The following HECTD4 variants were observed in gnomAD, a reference collection of about 807,000 sequenced individuals.
HECTD4 encodes HECT domain E3 ubiquitin protein ligase 4, also known as probable E3 ubiquitin-protein ligase HECTD4.
Under a neutral mutation model 471.5 loss-of-function variants are expected in HECTD4, and 114 were observed. The observed-to-expected ratio is 0.24, with a 90% CI of 0.21 to 0.28. HECTD4 has a LOEUF of 0.28. Among genes scored for constraint, HECTD4 ranks in the 10% least tolerant of loss-of-function variants. The probability of loss-of-function intolerance (pLI) is 1.00; values close to 1 mark genes in which losing one functional copy is unlikely to be tolerated. For missense variants in HECTD4, 3,866 were observed against 5,651.5 expected, an observed-to-expected ratio of 0.68 and a Z score of 10.13; for synonymous variants, 2,012 against 2,256.0, an observed-to-expected ratio of 0.89 and a Z score of 3.07.
chr12:112,358,020 T>G (rs1172665300), intron 1 of HECTD4, among the ~76,000 whole-genome samples: 1 of 152,144 alleles, frequency 6.6e-6, no homozygotes, highest in African/African-American at 2.4e-5. Flanking sequence ...CTGGCCAACA[T>G]GGTGAAACCC....
At chr12:112,312,954 G>A (rs1173490589) in intron 4 of HECTD4, 63 bp downstream of exon 4, 1 of 1,371,386 alleles carries the variant, frequency 7.3e-7, no homozygotes, top group Non-Finnish European at 1.0e-6. Context: ...ATTTGCTACA[G>A]TGATCTAAAA....
At chr12:112,291,162 A>G (rs1017196345) in intron 7 of HECTD4, among the ~76,000 whole-genome samples, 10 of 152,136 alleles carry the variant, frequency 6.6e-5, no homozygotes, top group African/African-American at 2.4e-4. Context: ...CATGTAAAAA[A>G]TGTTTCTTTA....
At chr12:112,263,999 A>C in intron 17 of HECTD4, 85 bp downstream of exon 17, 1 of 1,290,626 alleles carries the variant, frequency 7.7e-7, no homozygotes, top group Non-Finnish European at 1.0e-6. Flanking sequence ...GTGAATTCTG[A>C]CATCATAAAA....
chr12:112,265,389 A>T, intron 15 of HECTD4, 94 bp from the exon 16 acceptor site: 1 of 803,052 alleles, frequency 1.2e-6, no homozygotes, highest in Non-Finnish European at 1.9e-6. Context: ...GACAAATAAA[A>T]GATACATAAT....
At chr12:112,307,473 T>G (rs1043388063) in intron 6 of HECTD4, among the ~76,000 whole-genome samples, 5 of 152,226 alleles carry the variant, frequency 3.3e-5, no homozygotes, top group African/African-American at 1.2e-4. Flanking sequence ...CTACTTCAAA[T>G]GTAAATCATG....
intron 1 of HECTD4, among the ~76,000 whole-genome samples, chr12:112,351,041 G>A (rs1390261690): frequency 6.6e-6 from 1 of 152,134 alleles, no homozygotes; most frequent in Non-Finnish European, 1.5e-5. Context: ...TGGTCAGCTT[G>A]GTCACTGGCC....
At chr12:112,249,944 T>G in intron 25 of HECTD4, 200 bp downstream of exon 25, 1 of 580,170 alleles carries the variant, frequency 1.7e-6, no homozygotes, top group East Asian at 2.9e-5. Flanking sequence ...CCAATGCTGC[T>G]GACTGGTGGG....
intron 70 of HECTD4, 113 bp downstream of exon 70, chr12:112,169,390 A>G: frequency 8.4e-7 from 1 of 1,185,574 alleles, no homozygotes; most frequent in Non-Finnish European, 1.2e-6. Flanking sequence ...CTGCAGCACA[A>G]GTGCTGAGGA....
intron 7 of HECTD4, among the ~76,000 whole-genome samples, chr12:112,291,662 G>C (rs1023407859): frequency 6.6e-6 from 1 of 152,098 alleles, no homozygotes; most frequent in African/African-American, 2.4e-5. Flanking sequence ...CATGAGGTCA[G>C]GAGATTGAGA....
rs1052664385 is a variant in HECTD4 at position 112,326,054 on chromosome 12, G to C, written c.178-6312C>G. The stretch of plus-strand genomic sequence containing the variant: ...TCCTCCTGCCTCGGCCTCCCAAAGT[G>C]ATGGGATTGCAGGCATGAGCCACCG... On this transcript the variant is annotated intron_variant, in intron 1 of 75. Coordinates refer to ENST00000682272, the MANE Select transcript of HECTD4 (RefSeq NM_001388303.1). Among the ~76,000 whole-genome samples, 4 of 152,246 alleles carry C rather than the reference G, an allele frequency of 2.6e-5. No individual in the cohort carries two copies. In the South Asian group the frequency reaches 8.3e-4, roughly 32 times the overall value.
rs780513150 is a variant in HECTD4, at chr12:112,163,174, G to A, written c.12988C>T (p.Leu4330=). The change falls in exon 75 of 76, where the codon CTG becomes TTG. Residue 4330 remains leucine (L), a synonymous_variant. Transcript: ENST00000682272. This position sits in a 1 kb window ranked among gnomAD's most constrained non-coding sequence, Gnocchi z 8.2. ...GALEMFTQEE[L]CKFIKFACNQ... The stretch of plus-strand genomic sequence containing the variant: ...CAGGCAAACTTGATGAACTTGCACA[G>A]CTCCTCCTGGGTGAACATCTCCAGG... The A allele has an allele frequency of 1.2e-6, 2 of 1,613,874 alleles. No homozygotes were observed. The highest frequency in any genetic ancestry group is 1.7e-6 in the Non-Finnish European group (2 of 1,179,874).
intron 1 of HECTD4, among the ~76,000 whole-genome samples, chr12:112,373,422 T>C (rs2036720791): frequency 6.6e-6 from 1 of 151,988 alleles, no homozygotes; most frequent in Non-Finnish European, 1.5e-5. Context: ...CTCGGGAGGC[T>C]GAGGCAGAAG....
chr12:112,187,178 C>T (rs555543250), intron 60 of HECTD4, among the ~76,000 whole-genome samples: 5 of 151,948 alleles, frequency 3.3e-5, no homozygotes, highest in South Asian at 2.1e-4. Context: ...AGGGTTCCTC[C>T]GTGTTGGTCA....
intron 34 of HECTD4, 112 bp from the exon 35 acceptor site, chr12:112,237,210 C>T (rs777958027): frequency 1.6e-5 from 14 of 850,950 alleles, no homozygotes; most frequent in Non-Finnish European, 2.0e-5. Context: ...TTTCATGAAC[C>T]ATCTAATAGT....
intron 1 of HECTD4, among the ~76,000 whole-genome samples, chr12:112,361,411 A>G (rs1371574214): frequency 6.6e-6 from 1 of 151,690 alleles, no homozygotes; most frequent in African/African-American, 2.4e-5. Context: ...CTGGGACTAC[A>G]GGTGCATGAC....
rs985047236 is a variant in HECTD4, at chr12:112,160,458, G to C, written c.*1929C>G. The C allele has an allele frequency of 5.9e-5, 9 of 152,104 alleles. No individual in the cohort carries two copies. Among genetic ancestry groups the C allele is most frequent in the African/African-American group, 2.2e-4 (9 of 41,422 alleles). The allele number at this position is 152,104 out of a possible 1,614,324, so 9.4% of individuals were successfully genotyped here. ...AATAATTATAATAAATATACATCAA[G>C]TAACTTTACAGCACACATTTTTTAG... On this transcript the variant is annotated 3_prime_UTR_variant, in exon 76 of 76. Transcript: ENST00000682272.
rs2032147718 is a variant in HECTD4 at position 112,193,485 on chromosome 12, A to G, written c.8939T>C (p.Ile2980Thr). The G allele has an allele frequency of 6.2e-7, 1 of 1,609,296 alleles. No individual in the cohort carries two copies. Among genetic ancestry groups the G allele is most frequent in the South Asian group, 1.1e-5 (1 of 89,792 alleles). Residue 2980 changes from isoleucine (I) to threonine (T), a missense_variant, in exon 57 of 76, where the codon ATC becomes ACC. By Grantham distance (89) the Ile-to-Thr change is moderately conservative (BLOSUM62 -1). Around this residue, in one of 16 missense-constraint regions of HECTD4, gnomAD observed 364 missense variants for 413.2 expected, o/e 0.88. Transcript: ENST00000682272. This position sits in a 1 kb window ranked among gnomAD's most constrained non-coding sequence, Gnocchi z 5.2. The stretch of plus-strand genomic sequence containing the variant: ...GACTTCTACCTGCAGGAAAGAGCAG[A>G]TCTGTTTCGTCAGCTCTAAAAGGCT... ...EESLLELTKQICSFLQTAPEQ... is the reference protein window; with the variant it reads ...EESLLELTKQTCSFLQTAPEQ...
chr12:112,363,907 T>TAGAGGTTGCAGTGAGC (rs1371131322), intron 1 of HECTD4, among the ~76,000 whole-genome samples: 22 of 137,630 alleles, frequency 1.6e-4, no homozygotes, highest in African/African-American at 5.9e-4. Context: ...ACCTGGGAGG[T>TAGAGGTTGCAGTGAGC]AGAGGTTGCA....
At chr12:112,369,991 A>C (rs1296326723) in intron 1 of HECTD4, among the ~76,000 whole-genome samples, 1 of 152,202 alleles carries the variant, frequency 6.6e-6, no homozygotes, top group Admixed American at 6.6e-5. Context: ...CTTAGATGGC[A>C]AAAGGGACTT....
Sources: allele counts gnomAD v4.1 joint callset (sites outside exome capture counted in the v4.1 genomes callset), GRCh38; gene constraint gnomAD v4.1.1; regional missense constraint gnomAD v4.1.1; non-coding constraint Gnocchi (gnomAD v3.1); transcripts MANE v1.5; gene names NCBI Gene and HGNC (gene_info 2026-07-23, HGNC 2026-07-21).